DSCAML1: variants seen among roughly 807,000 people sequenced by gnomAD.
DSCAML1 encodes cell adhesion molecule DSCAML1.
DSCAML1 carries 38 observed loss-of-function variants against 200.5 expected under a neutral mutation model. The ratio of observed to expected loss-of-function variants is 0.19; its 90% confidence interval spans 0.15 to 0.25. DSCAML1 has a LOEUF of 0.25. Among genes scored for constraint, DSCAML1 ranks in the 10% least tolerant of loss-of-function variants. The probability of loss-of-function intolerance (pLI) is 1.00; values close to 1 mark genes in which losing one functional copy is unlikely to be tolerated. For synonymous variants in DSCAML1, 1,215 were observed against 1,165.0 expected (o/e 1.04, Z -0.87); for missense variants, 2,223 against 2,858.8 (o/e 0.78, Z 5.07).
chr11:117,702,896 T>C (rs1220791532), intron 3 of DSCAML1, among the ~76,000 whole-genome samples: 6 of 152,186 alleles, frequency 3.9e-5, no homozygotes, highest in African/African-American at 1.4e-4. Context: ...AGTTAAAGGA[T>C]TCTTGTGGCT....
At chr11:117,444,862 C>T (rs1223728011) in intron 20 of DSCAML1, among the ~76,000 whole-genome samples, 4 of 152,190 alleles carry the variant, frequency 2.6e-5, no homozygotes, top group East Asian at 1.9e-4. Flanking sequence ...CTGGCACGGG[C>T]GGGATGGGGC....
intron 3 of DSCAML1, among the ~76,000 whole-genome samples, chr11:117,593,556 C>G (rs189812102): frequency 6.0e-4 from 92 of 152,336 alleles, no homozygotes; most frequent in African/African-American, 2.1e-3. Flanking sequence ...GAGGCCGGGA[C>G]AGCACTGCAA....
At chr11:117,569,456 A>G (rs479601) in intron 3 of DSCAML1, among the ~76,000 whole-genome samples, 28,673 of 152,082 alleles carry the variant, frequency 0.19, 2,945 homozygotes, top group South Asian at 0.33. Flanking sequence ...GGATTTTTGT[A>G]TTTTGTGTAG....
chr11:117,598,400 G>A (rs1047470022), intron 3 of DSCAML1, among the ~76,000 whole-genome samples: 22 of 152,184 alleles, frequency 1.4e-4, no homozygotes, highest in Non-Finnish European at 2.9e-4. Flanking sequence ...CAAGGTTGAA[G>A]AGCAAAGGAA....
intron 1 of DSCAML1, among the ~76,000 whole-genome samples, chr11:117,791,345 GGA>G (rs1450764608): frequency 6.6e-6 from 1 of 152,214 alleles, no homozygotes; most frequent in African/African-American, 2.4e-5. Flanking sequence ...ATCTCAGCAG[GGA>G]GAGACACAGA....
chr11:117,770,671 TA>T (rs5795106), intron 3 of DSCAML1, among the ~76,000 whole-genome samples: 90,825 of 148,796 alleles, frequency 0.61, 30,246 homozygotes, highest in East Asian at 0.82. Context: ...AACACAGACC[TA>T]AAAAAAAAAA....
intron 5 of DSCAML1, 117 bp downstream of exon 5, chr11:117,524,688 A>G: frequency 7.7e-7 from 1 of 1,292,214 alleles, no homozygotes; most frequent in Non-Finnish European, 1.1e-6. Context: ...CCAGTCAGCC[A>G]GGGTTATTCC....
rs528928874 is a variant in DSCAML1, at chr11:117,610,827, C to T, written c.512-78305G>A. Among the ~76,000 whole-genome samples the T allele has an allele frequency of 9.9e-4, 130 of 131,544 alleles. 2 individuals carry two copies. The highest frequency in any genetic ancestry group is 3.4e-3 in the African/African-American group (121 of 35,240). The allele number at this position is 131,544 out of a possible 152,430, so 86.3% of individuals were successfully genotyped here. On this transcript the variant is annotated intron_variant, in intron 3 of 32. Transcript: ENST00000651296. Reference sequence around the variant, plus strand: ...AAGTAACACTGCCCAAACCCCTAAACCAAACCAAAACAACCCCCCCCCCCC... The same window carrying T: ...AAGTAACACTGCCCAAACCCCTAAATCAAACCAAAACAACCCCCCCCCCCC...
chr11:117,471,759 C>CTCCACCCCCTTTAACT (rs1555173487), intron 15 of DSCAML1, 110 bp downstream of exon 15: 1 of 1,276,416 alleles, frequency 7.8e-7, no homozygotes, highest in South Asian at 1.6e-5. Context: ...CTTTTCCCCA[C>CTCCACCCCCTTTAACT]GCCACCCCCT....
At chr11:117,457,918 A>G (rs1423731073) in intron 19 of DSCAML1, among the ~76,000 whole-genome samples, 1 of 152,236 alleles carries the variant, frequency 6.6e-6, no homozygotes, top group Admixed American at 6.5e-5. Context: ...GCTGTGTGCC[A>G]GTCGTTTGTC....
At chr11:117,552,926 AGGCTGGCCCG>A (rs1251570385) in intron 3 of DSCAML1, among the ~76,000 whole-genome samples, 1 of 152,202 alleles carries the variant, frequency 6.6e-6, no homozygotes, top group Non-Finnish European at 1.5e-5. Flanking sequence ...GTATTGTCCC[AGGCTGGCCCG>A]GGGAAGTGCG....
chr11:117,734,310 G>C (rs999315870), intron 3 of DSCAML1, among the ~76,000 whole-genome samples: 1 of 152,148 alleles, frequency 6.6e-6, no homozygotes, highest in Admixed American at 6.5e-5. Context: ...TTACGGGGTG[G>C]GGGAACCCAG....
At chr11:117,492,979 G>T (rs1019386000) in intron 11 of DSCAML1, among the ~76,000 whole-genome samples, 1 of 152,214 alleles carries the variant, frequency 6.6e-6, no homozygotes, top group South Asian at 2.1e-4. Flanking sequence ...CAGCTTCAGC[G>T]CCAAGAGCCA....
intron 3 of DSCAML1, among the ~76,000 whole-genome samples, chr11:117,683,773 T>C (rs552934303): frequency 1.3e-4 from 20 of 152,326 alleles, no homozygotes; most frequent in Middle Eastern, 3.4e-3. Flanking sequence ...AGAAATACAG[T>C]ACACATTTTT....
chr11:117,472,155 G>T, intron 14 of DSCAML1, 119 bp from the exon 15 acceptor site: 1 of 1,119,090 alleles, frequency 8.9e-7, no homozygotes, highest in Non-Finnish European at 1.3e-6. Context: ...AGCTCACACA[G>T]ACTGCAGAGA....
intron 5 of DSCAML1, among the ~76,000 whole-genome samples, chr11:117,522,784 G>A (rs1265180964): frequency 6.6e-6 from 1 of 152,146 alleles, no homozygotes; most frequent in East Asian, 1.9e-4. Flanking sequence ...GGTTAGGTGG[G>A]GGGCTTCGTG....
chr11:117,561,128 G>A (rs1318225622), intron 3 of DSCAML1, among the ~76,000 whole-genome samples: 3 of 152,180 alleles, frequency 2.0e-5, no homozygotes, highest in Admixed American at 6.5e-5. Context: ...GTGCCTCTGG[G>A]CAGCACTGGA....
chr11:117,777,285 C>A lies in DSCAML1; in HGVS notation c.365-348G>T, dbSNP rs569949244. Among the ~76,000 whole-genome samples the A allele has an allele frequency of 4.6e-5, 7 of 152,312 alleles. No individual in the cohort carries two copies. In the South Asian group the frequency reaches 1.5e-3, roughly 32 times the overall value. On this transcript the variant is annotated intron_variant, in intron 2 of 32. Coordinates refer to ENST00000651296, the MANE Select transcript of DSCAML1 (RefSeq NM_020693.4). ...TAAAAGCCTTGAGGGCAGCACTAAG[C>A]CCTGCAATGTTATATTCACCAAGGG...
At chr11:117,764,361 C>T (rs1418386856) in intron 3 of DSCAML1, among the ~76,000 whole-genome samples, 1 of 152,148 alleles carries the variant, frequency 6.6e-6, no homozygotes, top group African/African-American at 2.4e-5. Flanking sequence ...TGCATGCATG[C>T]TATTTATACA....
Sources: allele counts gnomAD v4.1 joint callset (sites outside exome capture counted in the v4.1 genomes callset), GRCh38; gene constraint gnomAD v4.1.1; transcripts MANE v1.5; gene names NCBI Gene and HGNC (gene_info 2026-07-23, HGNC 2026-07-21).